SIN3A: variants seen among roughly 807,000 people sequenced by gnomAD.
SIN3A encodes SIN3 transcription regulator family member A.
Under a neutral mutation model 146.1 loss-of-function variants are expected in SIN3A, and 14 were observed. That is an observed-to-expected ratio of 0.10 (90% CI 0.06 to 0.15). The LOEUF (loss-of-function observed/expected upper bound fraction) is 0.15, where lower values mean the gene tolerates loss of function less well. SIN3A is among the 10% of genes least tolerant of loss of function. SIN3A has a pLI of 1.00. For synonymous variants in SIN3A, 572 were observed against 572.0 expected, an observed-to-expected ratio of 1.00 and a Z score of 0.00; for missense variants, 1,028 against 1,576.0, an observed-to-expected ratio of 0.65 and a Z score of 5.89.
intron 13 of SIN3A, among the ~76,000 whole-genome samples, chr15:75,396,034 C>T (rs1372902486): frequency 6.6e-6 from 1 of 152,186 alleles, no homozygotes; most frequent in Non-Finnish European, 1.5e-5. Context: ...CCCAAACATA[C>T]ACACAGAGCC....
chr15:75,382,613 A>G (rs528129134), intron 17 of SIN3A, among the ~76,000 whole-genome samples: 10 of 152,134 alleles, frequency 6.6e-5, no homozygotes, highest in African/African-American at 2.2e-4. Flanking sequence ...AAAAGACAAT[A>G]AAGACCCAGA....
chr15:75,429,132 T>C (rs185578134), intron 2 of SIN3A, among the ~76,000 whole-genome samples: 43 of 152,304 alleles, frequency 2.8e-4, no homozygotes, highest in African/African-American at 9.4e-4. Context: ...TCAAAAATTA[T>C]ACATTGGCCA....
Position 75,437,334 on chromosome 15 carries a change from C to T in SIN3A, c.-33-6926G>A, listed in dbSNP as rs1351632371. On this transcript the variant is annotated intron_variant, in intron 1 of 20. Transcript: ENST00000394947. ...ACATAGGCAGCGCCACCATATCTAACTTTTGTATTTTTTGTAGAGACAGGG... is the reference window on the plus strand; with the variant it reads ...ACATAGGCAGCGCCACCATATCTAATTTTTGTATTTTTTGTAGAGACAGGG... 2.6e-5 allele frequency among the ~76,000 whole-genome samples: 4 copies of T among 152,204 alleles called. No homozygotes were observed. In the East Asian group the frequency reaches 7.7e-4, roughly 29 times the overall value.
upstream of SIN3A, among the ~76,000 whole-genome samples, chr15:75,451,922 G>T (rs1182826689): frequency 6.6e-6 from 1 of 151,776 alleles, no homozygotes; most frequent in East Asian, 1.9e-4. Context: ...TATTGGAGAC[G>T]GACTGCTGAA....
At chr15:75,421,027 G>T (rs1595914106) in intron 3 of SIN3A, 2 of 152,304 alleles carry the variant, frequency 1.3e-5, no homozygotes, top group East Asian at 3.9e-4. Flanking sequence ...AGAGTCCTGT[G>T]AGGAAGGTGG....
intron 2 of SIN3A, 84 bp downstream of exon 2, chr15:75,430,103 C>G: frequency 1.0e-6 from 1 of 983,720 alleles, no homozygotes; most frequent in South Asian, 1.5e-5. Context: ...TAATATCTAA[C>G]ACAGTATTAA....
upstream of SIN3A, among the ~76,000 whole-genome samples, chr15:75,452,012 C>A (rs1461902149): frequency 6.6e-6 from 1 of 152,210 alleles, no homozygotes; most frequent in Non-Finnish European, 1.5e-5. Flanking sequence ...CATAACCCGC[C>A]CTGCAGCGTC....
At chr15:75,377,137 C>T (rs2072877825) in intron 19 of SIN3A, among the ~76,000 whole-genome samples, 1 of 152,104 alleles carries the variant, frequency 6.6e-6, no homozygotes, top group Non-Finnish European at 1.5e-5. Context: ...CAAATTGTTA[C>T]CAAATTCCAA....
At position 75,424,789 on chromosome 15, in the gene SIN3A, G is replaced by A. The variant is rs572079526; in HGVS notation, c.190-1966C>T. ...TGCCCAGCCTGTAACTTTCATTACTGGATTTTACAAATAAAAAATGATCAT... is the reference window on the plus strand; with the variant it reads ...TGCCCAGCCTGTAACTTTCATTACTAGATTTTACAAATAAAAAATGATCAT... On this transcript the variant is annotated intron_variant, in intron 2 of 20. Coordinates refer to ENST00000394947, the MANE Select transcript of SIN3A (RefSeq NM_001145358.2). Among the ~76,000 whole-genome samples, 3 of 152,154 alleles carry A rather than the reference G, an allele frequency of 2.0e-5. No homozygotes were observed. In the South Asian group the frequency reaches 6.2e-4, roughly 32 times the overall value.
At chr15:75,380,395 T>C (rs1256844581) in intron 19 of SIN3A, among the ~76,000 whole-genome samples, 4 of 152,166 alleles carry the variant, frequency 2.6e-5, no homozygotes, top group African/African-American at 9.7e-5. Flanking sequence ...CACATTCCCA[T>C]CCAAAGTACG....
chr15:75,396,020 C>T lies in SIN3A; in HGVS notation c.2093+238G>A, dbSNP rs535156325. Among the ~76,000 whole-genome samples the T allele has an allele frequency of 2.6e-5, 4 of 152,290 alleles. No individual in the cohort carries two copies. In the East Asian group the frequency reaches 7.7e-4, roughly 29 times the overall value. On this transcript the variant is annotated intron_variant, in intron 13 of 20. Transcript: ENST00000394947. ...CTTTTCTTTTCTGTATTTTAAAATA[C>T]TCCCCCAAACATACACACAGAGCCT...
chr15:75,401,374 T>C (rs991402563), intron 10 of SIN3A, among the ~76,000 whole-genome samples: 2 of 151,564 alleles, frequency 1.3e-5, no homozygotes, highest in Non-Finnish European at 2.9e-5. Context: ...CTAAAAAACA[T>C]AACAAAAATT....
At chr15:75,378,986 C>T (rs1195277893) in intron 19 of SIN3A, among the ~76,000 whole-genome samples, 3 of 151,798 alleles carry the variant, frequency 2.0e-5, no homozygotes, top group African/African-American at 4.8e-5. Context: ...CTGCAACCTC[C>T]GCCTTCCGGT....
Position 75,392,371 on chromosome 15 carries a change from G to A in SIN3A, c.2722C>T (p.Arg908Trp), listed in dbSNP as rs1350898288. 2 of 1,614,088 alleles carry A rather than the reference G, an allele frequency of 1.2e-6. No individual in the cohort carries two copies. The highest frequency in any genetic ancestry group is 1.7e-5 in the Admixed American group (1 of 60,010). Residue 908 changes from arginine (R) to tryptophan (W), a missense_variant, in exon 15 of 21, where the codon CGG becomes TGG. Transcript: ENST00000394947. ...LHQILCLRLLRICSQAERQIE... is the reference protein window; with the variant it reads ...LHQILCLRLLWICSQAERQIE... Reference sequence around the variant, plus strand: ...TGCCGTTCGGCTTGGGAACAAATCCGTAGCAGCCTCAGGCAGAGAATCTGG... The same window carrying A: ...TGCCGTTCGGCTTGGGAACAAATCCATAGCAGCCTCAGGCAGAGAATCTGG...
At chr15:75,418,000 C>T (rs796151008) in intron 3 of SIN3A, among the ~76,000 whole-genome samples, 3 of 152,056 alleles carry the variant, frequency 2.0e-5, no homozygotes, top group African/African-American at 7.2e-5. Flanking sequence ...CAACTGGCAC[C>T]TGGATTTTAT....
chr15:75,396,329 A>G lies in SIN3A; in HGVS notation c.2022T>C (p.Ala674=), dbSNP rs766590313. 29 of 1,614,088 alleles carry G rather than the reference A, an allele frequency of 1.8e-5. No homozygotes were observed. In the African/African-American group the frequency reaches 3.7e-4, roughly 21 times the overall value. Residue 674 remains alanine, a synonymous_variant, in exon 13 of 21, where the codon GCT becomes GCC. Transcript: ENST00000394947. ...CATCAATGATGTCAGCTGCTTTATC[A>G]GCATATATCCTCTGGAGTGCTTTTC... ...IHRKALQRIY[A]DKAADIIDGL... is the part of the protein sequence containing the mutation.
At chr15:75,417,379 T>TA (rs1276558611) in intron 3 of SIN3A, among the ~76,000 whole-genome samples, 1 of 140,668 alleles carries the variant, frequency 7.1e-6, no homozygotes, top group African/African-American at 2.7e-5. Flanking sequence ...AGTCTTTTTC[T>TA]TTTTTTTTTT....
intron 2 of SIN3A, among the ~76,000 whole-genome samples, chr15:75,423,541 G>A (rs1490892956): frequency 6.6e-6 from 1 of 152,078 alleles, no homozygotes. Context: ...AACCAGGCGT[G>A]TTGGCGGGCA....
intron 3 of SIN3A, chr15:75,419,382 A>G (rs1306279777): frequency 1.3e-5 from 2 of 152,234 alleles, no homozygotes; most frequent in Non-Finnish European, 2.9e-5. Context: ...ACAGTTATCA[A>G]TAAGACATGG....
Sources: gnomAD v4.1 joint callset for allele counts (sites outside exome capture counted in the v4.1 genomes callset) on GRCh38, gnomAD v4.1.1 for gene constraint, MANE v1.5 for transcripts, NCBI Gene and HGNC (gene_info 2026-07-23, HGNC 2026-07-21) for gene names.